Variants in ADGRF5 observed in about 807,000 individuals in gnomAD.
ADGRF5 encodes the protein G-protein coupled receptor 116.
Under a neutral mutation model 132.3 loss-of-function variants are expected in ADGRF5, and 75 were observed. That is an observed-to-expected ratio of 0.57 (90% confidence interval 0.47 to 0.69). The LOEUF is 0.69. Among genes scored for constraint, ADGRF5 ranks in the 30% least tolerant of loss-of-function variants. ADGRF5 has a pLI of 0.00. For synonymous variants in ADGRF5, 629 were observed against 597.6 expected (o/e 1.05, Z -0.77); for missense variants, 1,516 against 1,630.6 (o/e 0.93, Z 1.21).
At chr6:46,892,213 A>AAG (rs1432956964) in intron 3 of ADGRF5, among the ~76,000 whole-genome samples, 1 of 143,614 alleles carries the variant, frequency 7.0e-6, no homozygotes, top group Non-Finnish European at 1.5e-5. Flanking sequence ...CACACACAGA[A>AAG]AGAGAGAGAG....
chr6:46,922,007 T>C (rs1013609497), upstream of ADGRF5: 1 of 152,262 alleles, frequency 6.6e-6, no homozygotes, highest in East Asian at 1.9e-4. Context: ...CCGGATGGCG[T>C]GTGCGATTTC....
intron 1 of ADGRF5, among the ~76,000 whole-genome samples, chr6:46,912,658 A>C (rs1015435106): frequency 2.0e-5 from 3 of 152,228 alleles, no homozygotes; most frequent in African/African-American, 7.2e-5. Context: ...AAACATGACA[A>C]AGCCAAGATG....
At chr6:46,945,280 A>C (rs974281588) in intron 1 of ADGRF5, among the ~76,000 whole-genome samples, 2 of 152,234 alleles carry the variant, frequency 1.3e-5, no homozygotes, top group South Asian at 4.1e-4. Flanking sequence ...AAAAAGGTAG[A>C]AGTTTGTTAG....
chr6:46,910,506 T>G (rs527763352), intron 1 of ADGRF5, among the ~76,000 whole-genome samples: 10 of 152,290 alleles, frequency 6.6e-5, no homozygotes. Context: ...CCTCTAACCC[T>G]CTCAAGGAGC....
intron 14 of ADGRF5, among the ~76,000 whole-genome samples, chr6:46,864,114 G>A (rs192847316): frequency 2.4e-4 from 36 of 152,320 alleles, no homozygotes; most frequent in Non-Finnish European, 4.3e-4. Context: ...GCTTATGGTA[G>A]AAGCCCAGGG....
At chr6:46,933,724 C>T (rs1024557395) in intron 1 of ADGRF5, among the ~76,000 whole-genome samples, 5 of 152,208 alleles carry the variant, frequency 3.3e-5, no homozygotes, top group African/African-American at 1.2e-4. Context: ...CAGCCCTCCA[C>T]AGCTCCCATG....
At chr6:46,911,935 C>T (rs1424391696) in intron 1 of ADGRF5, among the ~76,000 whole-genome samples, 32 of 152,026 alleles carry the variant, frequency 2.1e-4, no homozygotes, top group Admixed American at 2.1e-3. Context: ...CTACCGAGAA[C>T]AGTAATCATA....
rs71566597 is a variant in ADGRF5 at position 46,877,285 on chromosome 6, T to C, written c.1240+917A>G. On this transcript the variant is annotated intron_variant, in intron 10 of 20. Transcript: ENST00000283296. ...TTTCTTTCTTTCTTTCTTTCTTTCT[T>C]TCTTTCTCTCTCTCTCTCTCTTTCC... 6.9e-3 allele frequency among the ~76,000 whole-genome samples: 420 copies of C among 60,826 alleles called. 6 individuals carry two copies. Among genetic ancestry groups the C allele is most frequent in the African/African-American group, 0.021 (310 of 14,536 alleles). The allele number at this position is 60,826 out of a possible 152,430, so 39.9% of individuals were successfully genotyped here. A position where few individuals can be genotyped will look rare whatever the true frequency, so the allele number is the denominator to read the frequency against.
chr6:46,914,800 A>G (rs1237183966), intron 1 of ADGRF5, among the ~76,000 whole-genome samples: 1 of 151,826 alleles, frequency 6.6e-6, no homozygotes. Context: ...CCAATTGCAG[A>G]CGGAGGGAAG....
chr6:46,938,065 G>A (rs180935432), intron 1 of ADGRF5, among the ~76,000 whole-genome samples: 2 of 152,292 alleles, frequency 1.3e-5, no homozygotes, highest in South Asian at 2.1e-4. Flanking sequence ...ATCAATACCA[G>A]AAATGTTTCC....
At chr6:46,855,562 C>T (rs1422069074) in intron 20 of ADGRF5, among the ~76,000 whole-genome samples, 1 of 152,098 alleles carries the variant, frequency 6.6e-6, no homozygotes, top group African/African-American at 2.4e-5. Flanking sequence ...TAGTGAGATC[C>T]TGTAGTAAGA....
At chr6:46,910,171 C>G (rs1385606630) in intron 1 of ADGRF5, among the ~76,000 whole-genome samples, 1 of 152,150 alleles carries the variant, frequency 6.6e-6, no homozygotes, top group Admixed American at 6.6e-5. Context: ...CTGAGTTCGT[C>G]AGAACTCCAA....
At chr6:46,929,337 T>C (rs893817576) in intron 1 of ADGRF5, among the ~76,000 whole-genome samples, 1 of 151,582 alleles carries the variant, frequency 6.6e-6, no homozygotes, top group East Asian at 1.9e-4. Context: ...CACCGGGGAC[T>C]GTTGTGGGGT....
In ADGRF5 at chr6:46,862,957, G is replaced by A; in HGVS notation, c.2130C>T (p.Gly710=). 1.2e-6 allele frequency: 2 copies of A among 1,613,246 alleles called. No homozygotes were observed. The highest frequency in any genetic ancestry group is 1.7e-6 in the Non-Finnish European group (2 of 1,179,514). ...IGGTITYKCV[G]SQWEEKRNDC... ...CATTTCTCTTCTCCTCCCACTGGGA[G>A]CCTACACATTTGTAAGTGATGGTCC... is the stretch of plus-strand genomic sequence containing the variant. The change falls in exon 15 of 21, where the codon GGC becomes GGT. Residue 710 remains glycine, a synonymous_variant. Transcript: ENST00000283296.
At chr6:46,902,842 G>A (rs922640928) in intron 2 of ADGRF5, among the ~76,000 whole-genome samples, 8 of 152,256 alleles carry the variant, frequency 5.3e-5, no homozygotes, top group Admixed American at 1.3e-4. Context: ...GGATGGAGAT[G>A]GGTAAATGCT....
intron 6 of ADGRF5, 138 bp from the exon 7 acceptor site, chr6:46,882,245 G>A (rs2150839110): frequency 1.4e-6 from 1 of 724,456 alleles, no homozygotes; most frequent in South Asian, 1.5e-5. Context: ...TTAACTGTGG[G>A]CATTAGATTT....
chr6:46,899,727 G>A (rs1774553291), intron 3 of ADGRF5, among the ~76,000 whole-genome samples: 1 of 151,574 alleles, frequency 6.6e-6, no homozygotes, highest in Non-Finnish European at 1.5e-5. Flanking sequence ...GGGCAGAGAA[G>A]TAGACCATTT....
chr6:46,924,929 A>T (rs778454889), upstream of ADGRF5, among the ~76,000 whole-genome samples: 6 of 152,194 alleles, frequency 3.9e-5, no homozygotes, highest in Non-Finnish European at 8.8e-5. Flanking sequence ...CATCCAAGCC[A>T]TCACTATCTC....
chr6:46,931,940 A>G (rs1448875289), intron 1 of ADGRF5, among the ~76,000 whole-genome samples: 2 of 152,188 alleles, frequency 1.3e-5, no homozygotes, highest in Non-Finnish European at 2.9e-5. Context: ...AATAAAACAA[A>G]AAGACTAAAA....
Sources: gnomAD v4.1 joint callset for allele counts (sites outside exome capture counted in the v4.1 genomes callset) on GRCh38, gnomAD v4.1.1 for gene constraint, MANE v1.5 for transcripts, NCBI Gene and HGNC (gene_info 2026-07-23, HGNC 2026-07-21) for gene names.